The following FMN2 variants were observed in gnomAD, a reference collection of about 807,000 sequenced individuals.
FMN2 encodes the protein formin-2.
FMN2 carries 51 observed loss-of-function variants against 142.3 expected under a neutral mutation model. That is an observed-to-expected ratio of 0.36 (90% CI 0.29 to 0.45). The LOEUF (loss-of-function observed/expected upper bound fraction) is 0.45. Ranked by LOEUF, FMN2 falls within the 20% of genes least tolerant of loss-of-function variation. The pLI is 1.00. For missense variants in FMN2, 1,936 were observed against 2,122.8 expected, an observed-to-expected ratio of 0.91 and a Z score of 1.73; for synonymous variants, 882 against 869.8, an observed-to-expected ratio of 1.01 and a Z score of -0.25.
chr1:240,246,723 C>T (rs1475764331), intron 6 of FMN2, among the ~76,000 whole-genome samples: 3 of 152,250 alleles, frequency 2.0e-5, no homozygotes, highest in East Asian at 1.9e-4. Context: ...TTTACAGAGA[C>T]CGTGTTCATA....
intron 8 of FMN2, among the ~76,000 whole-genome samples, chr1:240,302,326 A>C (rs567903746): frequency 6.6e-6 from 1 of 152,172 alleles, no homozygotes; most frequent in African/African-American, 2.4e-5. Flanking sequence ...AGAAAAAGAA[A>C]TTTGCAATAC....
chr1:240,276,930 C>G (rs910081794), intron 7 of FMN2, among the ~76,000 whole-genome samples: 2 of 152,106 alleles, frequency 1.3e-5, no homozygotes, highest in African/African-American at 4.8e-5. Context: ...AAACTTGACA[C>G]TAGTTCACTG....
chr1:240,341,825 C>T (rs1263783630), intron 13 of FMN2, among the ~76,000 whole-genome samples: 3 of 152,324 alleles, frequency 2.0e-5, no homozygotes, highest in Middle Eastern at 3.4e-3. Context: ...CCAGTCTCCA[C>T]ACTAGTGAAT....
At chr1:240,267,596 A>C (rs1488444664) in intron 7 of FMN2, among the ~76,000 whole-genome samples, 1 of 151,318 alleles carries the variant, frequency 6.6e-6, no homozygotes, top group African/African-American at 2.4e-5. Flanking sequence ...ACACAAGTTT[A>C]CCTATGTAGC....
chr1:240,352,226 C>T (rs980530725), intron 13 of FMN2, among the ~76,000 whole-genome samples: 13 of 152,098 alleles, frequency 8.5e-5, no homozygotes, highest in Admixed American at 5.2e-4. Context: ...CAGTTCTGTT[C>T]GTGGCAGTCT....
chr1:240,390,474 G>A (rs1174855350), intron 14 of FMN2, among the ~76,000 whole-genome samples: 1 of 152,196 alleles, frequency 6.6e-6, no homozygotes, highest in Admixed American at 6.5e-5. Context: ...ATGAACAAAT[G>A]AAACTTACTT....
Position 240,329,386 on chromosome 1 carries a change from T to G in FMN2, c.4355T>G (p.Phe1452Cys), listed in dbSNP as rs570189939. 1 of 1,614,070 alleles carries G rather than the reference T, an allele frequency of 6.2e-7. No individual in the cohort carries two copies. Among genetic ancestry groups the G allele is most frequent in the African/African-American group, 1.3e-5 (1 of 75,056 alleles). The part of the protein sequence containing the change: ...SLIPNFSERV[F>C]CILFQSTFSE... ...ATCCCCAACTTTTCAGAGCGAGTCT[T>G]TTGCATCCTGTTCCAGTCCACATTT... Residue 1452 changes from phenylalanine (F) to cysteine (C), a missense_variant, in exon 10 of 18, where the codon TTT (phenylalanine) becomes TGT (cysteine). Physicochemically the swap from Phe to Cys is radical, Grantham distance 205. Transcript: ENST00000319653.
intron 8 of FMN2, among the ~76,000 whole-genome samples, chr1:240,324,273 C>T (rs80139749): frequency 0.012 from 1,824 of 152,228 alleles, 34 homozygotes; most frequent in African/African-American, 0.042. Flanking sequence ...TTACCTTTTC[C>T]AGAGCACTGT....
At chr1:240,355,969 A>T in intron 14 of FMN2, 61 bp downstream of exon 14, 1 of 450,286 alleles carries the variant, frequency 2.2e-6, no homozygotes, top group African/African-American at 4.7e-5. Flanking sequence ...AAAAAAAAAA[A>T]AAAAAAAAAA....
At chr1:240,251,536 G>A (rs1668279146) in intron 6 of FMN2, among the ~76,000 whole-genome samples, 1 of 152,180 alleles carries the variant, frequency 6.6e-6, no homozygotes, top group African/African-American at 2.4e-5. Flanking sequence ...AGAAGAATGT[G>A]TGTTCTCTAG....
intron 7 of FMN2, among the ~76,000 whole-genome samples, chr1:240,265,946 C>A (rs1668782757): frequency 7.2e-6 from 1 of 138,734 alleles, no homozygotes; most frequent in Non-Finnish European, 1.5e-5. Context: ...TTTTTCATTG[C>A]CCTGAACAGA....
At chr1:240,187,854 A>G (rs1665544127) in intron 3 of FMN2, among the ~76,000 whole-genome samples, 1 of 152,188 alleles carries the variant, frequency 6.6e-6, no homozygotes, top group South Asian at 2.1e-4. Context: ...AGTGGCTTCT[A>G]TCGTGATACA....
At position 240,208,612 on chromosome 1, in the gene FMN2, T is replaced by C. The variant is rs1666546934; in HGVS notation, c.3800T>C (p.Leu1267Ser). ...GTGTGTGGATTTCTTCCTCCTCCAT[T>C]GCCAAGTGGCTTGTTTGGATTAGGG... ...PQVCGFLPPP[L>S]PSGLFGLGMN... is the part of the protein sequence containing the mutation. Residue 1267 changes from leucine to serine, a missense_variant, in exon 5 of 18, where the codon TTG becomes TCG. Around this residue, in one of 8 missense-constraint regions of FMN2, gnomAD observed 259 missense variants for 230.9 expected, o/e 1.12. Coordinates refer to ENST00000319653, the MANE Select transcript of FMN2 (RefSeq NM_020066.5). 2.5e-6 allele frequency: 4 copies of C among 1,613,772 alleles called. No individual in the cohort carries two copies.
intron 6 of FMN2, among the ~76,000 whole-genome samples, chr1:240,237,444 C>T (rs1393898920): frequency 6.6e-6 from 1 of 152,204 alleles, no homozygotes; most frequent in Non-Finnish European, 1.5e-5. Flanking sequence ...GTTTCCTACC[C>T]TGTAGAACTG....
At chr1:240,213,195 C>A (rs894911177) in intron 6 of FMN2, among the ~76,000 whole-genome samples, 1 of 152,186 alleles carries the variant, frequency 6.6e-6, no homozygotes, top group Non-Finnish European at 1.5e-5. Flanking sequence ...TCTCCTCATT[C>A]TGTCATTAAG....
intron 7 of FMN2, among the ~76,000 whole-genome samples, chr1:240,290,782 TTTTTTTTTTTG>T (rs1400054997): frequency 1.6e-4 from 17 of 103,150 alleles, no homozygotes; most frequent in Non-Finnish European, 2.8e-4. Flanking sequence ...TTTGTTTGGT[TTTTTTTTTTTG>T]TTTTTTTTTT....
intron 15 of FMN2, among the ~76,000 whole-genome samples, chr1:240,429,659 G>A (rs1234430136): frequency 6.6e-6 from 1 of 152,078 alleles, no homozygotes; most frequent in East Asian, 1.9e-4. Context: ...TTTTATAAGT[G>A]GAATCATATG....
intron 1 of FMN2, among the ~76,000 whole-genome samples, chr1:240,115,915 T>G (rs1662003207): frequency 6.6e-6 from 1 of 152,204 alleles, no homozygotes; most frequent in South Asian, 2.1e-4. Flanking sequence ...CTCGTGAGTT[T>G]TTTTGGAAAA....
At position 240,306,711 on chromosome 1, in the gene FMN2, C is replaced by T. The variant is rs114880998; in HGVS notation, c.4215+11828C>T. ...TGCAAATAGTGCTGTGATGAACATA[C>T]GAGTGCCTGTGTCTTTTTGGTAGAA... is the stretch of plus-strand genomic sequence containing the variant. On this transcript the variant is annotated intron_variant, in intron 8 of 17. Coordinates refer to ENST00000319653, the MANE Select transcript of FMN2 (RefSeq NM_020066.5). Among the ~76,000 whole-genome samples the T allele has an allele frequency of 5.8e-3, 884 of 152,242 alleles. 6 individuals carry two copies. Among genetic ancestry groups the T allele is most frequent in the African/African-American group, 0.02 (848 of 41,544 alleles).
Sources: allele counts gnomAD v4.1 joint callset (sites outside exome capture counted in the v4.1 genomes callset), GRCh38; gene constraint gnomAD v4.1.1; regional missense constraint gnomAD v4.1.1; transcripts MANE v1.5; gene names NCBI Gene and HGNC (gene_info 2026-07-23, HGNC 2026-07-21).